Variants in GLIS3 observed in about 807,000 individuals in gnomAD.
GLIS3 encodes the protein GLIS family zinc finger 3.
A neutral mutation model predicts 78.6 loss-of-function variants in GLIS3; 53 were observed. The ratio of observed to expected loss-of-function variants is 0.67; its 90% confidence interval spans 0.54 to 0.85. The LOEUF (loss-of-function observed/expected upper bound fraction) is 0.85. GLIS3 is among the 40% of genes least tolerant of loss of function. GLIS3 has a pLI of 0.00. For synonymous variants in GLIS3, 684 were observed against 509.9 expected (o/e 1.34, Z -4.60); for missense variants, 1,703 against 1,231.1 (o/e 1.38, Z -5.74).
chr9:4,237,830 T>G (rs550048846), intron 2 of GLIS3, among the ~76,000 whole-genome samples: 1 of 152,224 alleles, frequency 6.6e-6, no homozygotes, highest in African/African-American at 2.4e-5. Flanking sequence ...TAAGCACATT[T>G]TGTCTTTCCC....
intron 4 of GLIS3, among the ~76,000 whole-genome samples, chr9:3,995,346 C>G (rs972964899): frequency 1.3e-5 from 2 of 152,078 alleles, no homozygotes; most frequent in Admixed American, 6.6e-5. Context: ...ACAATGACAA[C>G]TACTCCATGG....
At chr9:4,257,313 G>A (rs1243905321) in intron 2 of GLIS3, among the ~76,000 whole-genome samples, 1 of 152,148 alleles carries the variant, frequency 6.6e-6, no homozygotes, top group Non-Finnish European at 1.5e-5. Flanking sequence ...CATAGAAGCA[G>A]AGAGTAGATG....
intron 7 of GLIS3, among the ~76,000 whole-genome samples, chr9:3,884,810 T>A (rs1242831557): frequency 6.6e-6 from 1 of 152,138 alleles, no homozygotes; most frequent in Non-Finnish European, 1.5e-5. Context: ...CCTGATTTTA[T>A]TAATAGATCA....
chr9:4,305,622 T>TA (rs1371303905), intron 4 of GLIS3: 4 of 152,322 alleles, frequency 2.6e-5, no homozygotes, highest in Non-Finnish European at 4.4e-5. Flanking sequence ...AGGGATTGGT[T>TA]AAAAAATGGA....
At chr9:4,429,091 C>G in the GLIS3 span, among the ~76,000 whole-genome samples, 1 of 152,170 alleles carries the variant, frequency 6.6e-6, no homozygotes, top group African/African-American at 2.4e-5. Context: ...TCTTGTAAGT[C>G]AAAACCAGCC....
intron 2 of GLIS3, among the ~76,000 whole-genome samples, chr9:4,180,110 C>G (rs1406813502): frequency 6.6e-6 from 1 of 152,036 alleles, no homozygotes; most frequent in African/African-American, 2.4e-5. Context: ...CAAGGCTGAG[C>G]TGGGGAGAGT....
chr9:4,134,897 C>T (rs1001246616), intron 2 of GLIS3, among the ~76,000 whole-genome samples: 2 of 152,136 alleles, frequency 1.3e-5, no homozygotes, highest in African/African-American at 2.4e-5. Context: ...ATACACCTTA[C>T]CTAGAAGGCT....
chr9:4,372,525 C>A, the GLIS3 span, among the ~76,000 whole-genome samples: 1 of 142,018 alleles, frequency 7.0e-6, no homozygotes, highest in Non-Finnish European at 1.5e-5. Context: ...CTTCAGGAGG[C>A]AATACTCCTC....
the GLIS3 span, among the ~76,000 whole-genome samples, chr9:4,477,166 T>C: frequency 1.3e-5 from 2 of 152,054 alleles, no homozygotes; most frequent in Non-Finnish European, 2.9e-5. Context: ...GCAACCCAAG[T>C]GTCCATCCAC....
At position 4,275,342 on chromosome 9, in the gene GLIS3, C is replaced by T. The variant is rs141151490; in HGVS notation, c.388+10696G>A. Among the ~76,000 whole-genome samples, 7 of 152,218 alleles carry T rather than the reference C, an allele frequency of 4.6e-5. No individual in the cohort carries two copies. In the East Asian group the frequency reaches 1.3e-3, roughly 29 times the overall value. On this transcript the variant is annotated intron_variant, in intron 2 of 10. Transcript: ENST00000381971. ...AATGGTTTGAGTTTTTAAAAGTATA[C>T]TTTTTCAGGAATGGCAGCACCCTGT...
intron 8 of GLIS3, among the ~76,000 whole-genome samples, chr9:3,859,350 AACACACACACACACACACACAC>A (rs34973607): frequency 0.012 from 1,808 of 148,964 alleles, 45 homozygotes; most frequent in African/African-American, 0.043. Flanking sequence ...GTTTCTTCGA[AACACACACACACACACACACAC>A]ACACACACAC....
Position 4,068,465 on chromosome 9 carries a change from A to G in GLIS3, c.1710+49303T>C, listed in dbSNP as rs556892532. ...AAAAGGGCAAAGAAATATTTTATGT[A>G]GGCAAAGAAAAAAGGCTAATGATGT... On this transcript the variant is annotated intron_variant, in intron 4 of 10. Coordinates refer to ENST00000381971, the MANE Select transcript of GLIS3 (RefSeq NM_001042413.2). 3.7e-4 allele frequency among the ~76,000 whole-genome samples: 56 copies of G among 152,346 alleles called. 1 individual carries two copies. In the South Asian group the frequency reaches 0.011, roughly 30 times the overall value.
At chr9:4,263,708 C>A (rs1587210993) in intron 2 of GLIS3, among the ~76,000 whole-genome samples, 1 of 152,192 alleles carries the variant, frequency 6.6e-6, no homozygotes, top group Non-Finnish European at 1.5e-5. Flanking sequence ...TTCCCCAATG[C>A]AATAGAGTAT....
At chr9:4,214,596 G>A (rs1291730938) in intron 2 of GLIS3, among the ~76,000 whole-genome samples, 2 of 152,126 alleles carry the variant, frequency 1.3e-5, no homozygotes, top group African/African-American at 4.8e-5. Flanking sequence ...AGACAATGTG[G>A]GCGCAGTTTA....
chr9:4,034,088 G>A (rs1824110020), intron 4 of GLIS3, among the ~76,000 whole-genome samples: 1 of 151,852 alleles, frequency 6.6e-6, no homozygotes, highest in South Asian at 2.1e-4. Flanking sequence ...AATTGGCTGG[G>A]CATGGTGGTG....
At chr9:4,293,584 A>G (rs1816215348) in intron 1 of GLIS3, among the ~76,000 whole-genome samples, 2 of 152,244 alleles carry the variant, frequency 1.3e-5, no homozygotes, top group Admixed American at 1.3e-4. Flanking sequence ...AAAGGTTGGG[A>G]AAACATTAAT....
chr9:4,106,863 T>G (rs1830793395), intron 4 of GLIS3, among the ~76,000 whole-genome samples: 1 of 152,168 alleles, frequency 6.6e-6, no homozygotes, highest in Non-Finnish European at 1.5e-5. Flanking sequence ...TCACACACAC[T>G]CACGGCTTAG....
chr9:4,196,725 C>A (rs912061461), intron 2 of GLIS3, among the ~76,000 whole-genome samples: 6 of 152,216 alleles, frequency 3.9e-5, no homozygotes, highest in African/African-American at 1.4e-4. Flanking sequence ...TTTTTAAGAA[C>A]TGTAACACTC....
At chr9:4,015,888 CAAAAAAAAA>C (rs1049791263) in intron 4 of GLIS3, among the ~76,000 whole-genome samples, 1 of 32,254 alleles carries the variant, frequency 3.1e-5, no homozygotes, top group Admixed American at 2.9e-4. Flanking sequence ...GACTCTGTCT[CAAAAAAAAA>C]AAAAAAAAAA....
Sources: gnomAD v4.1 joint callset for allele counts (sites outside exome capture counted in the v4.1 genomes callset) on GRCh38, gnomAD v4.1.1 for gene constraint, MANE v1.5 for transcripts, NCBI Gene and HGNC (gene_info 2026-07-23, HGNC 2026-07-21) for gene names.